MTMR8: variants seen among roughly 807,000 people sequenced by gnomAD.
MTMR8 encodes myotubularin related protein 8.
A neutral mutation model predicts 39.3 loss-of-function variants in MTMR8; 65 were observed. That is an observed-to-expected ratio of 1.65 (90% CI 1.35 to 2.03). MTMR8 has a LOEUF of 2.03. MTMR8 is among the 30% of genes most tolerant of loss of function. MTMR8 has a pLI of 0.00. For synonymous variants in MTMR8, 245 were observed against 185.2 expected, an observed-to-expected ratio of 1.32 and a Z score of -2.62; for missense variants, 777 against 538.9, an observed-to-expected ratio of 1.44 and a Z score of -4.37.
chrX:64,302,329 C>T (rs957467971), intron 12 of MTMR8, among the ~76,000 whole-genome samples: 2 of 112,452 alleles, frequency 1.8e-5, no homozygotes, highest in Non-Finnish European at 3.8e-5. Flanking sequence ...ACCCAATTTT[C>T]CAGGTGCGTC....
At chrX:64,302,337 G>A (rs192492855) in intron 12 of MTMR8, among the ~76,000 whole-genome samples, 44 of 112,381 alleles carry the variant, frequency 3.9e-4, no homozygotes, top group Admixed American at 8.4e-4. Context: ...TTCCAGGTGC[G>A]TCTGTCACCC....
intron 12 of MTMR8, among the ~76,000 whole-genome samples, chrX:64,284,182 A>T (rs1270360545): frequency 8.9e-6 from 1 of 112,453 alleles, no homozygotes; most frequent in African/African-American, 3.2e-5. Flanking sequence ...CGTACGCACA[A>T]GCTTCAGTAG....
At chrX:64,272,980 A>G (rs1931793519) in intron 12 of MTMR8, among the ~76,000 whole-genome samples, 2 of 111,904 alleles carry the variant, frequency 1.8e-5, no homozygotes, top group African/African-American at 6.5e-5. Context: ...ACATTCCCAG[A>G]CAAACAAAAG....
intron 1 of MTMR8, among the ~76,000 whole-genome samples, chrX:64,362,532 G>C (rs150615078): frequency 3.0e-4 from 17 of 57,620 alleles, no homozygotes; most frequent in African/African-American, 1.3e-3. Flanking sequence ...AAAAGGACCA[G>C]AGCTCAAAAT....
chrX:64,270,847 G>A lies in MTMR8; in HGVS notation c.1608+100C>T. 3 of 984,260 alleles carry A rather than the reference G, an allele frequency of 3.0e-6. No homozygotes were observed. The South Asian group carries it at 8.4e-5, about 28-fold the overall frequency. The allele number at this position is 984,260 out of a possible 1,213,427, so 81.1% of individuals were successfully genotyped here. A position where few individuals can be genotyped will look rare whatever the true frequency, so the allele number is the denominator to read the frequency against. On this transcript the variant is annotated intron_variant, in intron 13 of 13. Transcript: ENST00000374852. ...ATGAAAAGCCAAAGAGTATAAAAAA[G>A]CCAGCCAGTCAGCTTTCCACAAGTA...
chrX:64,354,229 G>A (rs746898281), intron 4 of MTMR8, among the ~76,000 whole-genome samples: 2 of 109,030 alleles, frequency 1.8e-5, no homozygotes, highest in East Asian at 5.8e-4. Context: ...AATACAGTTA[G>A]ATAGAAGGAA....
intron 12 of MTMR8, among the ~76,000 whole-genome samples, chrX:64,283,534 G>A (rs1429526611): frequency 8.9e-6 from 1 of 112,086 alleles, no homozygotes; most frequent in Admixed American, 9.4e-5. Flanking sequence ...TACTCAAGTG[G>A]GTCCCTGATC....
chrX:64,292,137 A>C (rs1275957308), intron 12 of MTMR8, among the ~76,000 whole-genome samples: 1 of 111,943 alleles, frequency 8.9e-6, no homozygotes, highest in Non-Finnish European at 1.9e-5. Context: ...TATGGCAGGC[A>C]AACAAGCTGA....
At chrX:64,372,871 T>A (rs1160767348) in intron 1 of MTMR8, among the ~76,000 whole-genome samples, 3 of 111,685 alleles carry the variant, frequency 2.7e-5, no homozygotes, top group Non-Finnish European at 5.6e-5. Context: ...TAATATTTTT[T>A]AATGACAAAT....
At chrX:64,311,879 C>A (rs1380558433) in intron 12 of MTMR8, among the ~76,000 whole-genome samples, 1 of 108,798 alleles carries the variant, frequency 9.2e-6, no homozygotes, top group Non-Finnish European at 1.9e-5. Flanking sequence ...GCTTTGGTAC[C>A]AGCACGATGC....
chrX:64,269,350 T>C (rs1234267104), intron 13 of MTMR8, among the ~76,000 whole-genome samples: 1 of 112,027 alleles, frequency 8.9e-6, no homozygotes, highest in Non-Finnish European at 1.9e-5. Flanking sequence ...TACCTCTATG[T>C]GCTAGGCACT....
chrX:64,270,902 C>T (rs1931745022), intron 13 of MTMR8, 45 bp downstream of exon 13: 2 of 1,190,407 alleles, frequency 1.7e-6, no homozygotes, highest in South Asian at 3.8e-5. Flanking sequence ...GCTGGACCTA[C>T]CCAGAAGGGG....
chrX:64,330,847 C>A (rs1922921337), intron 11 of MTMR8, among the ~76,000 whole-genome samples: 1 of 111,618 alleles, frequency 9.0e-6, no homozygotes, highest in Non-Finnish European at 1.9e-5. Context: ...CCTGATTTTT[C>A]AGAATATTTA....
rs750817228 is a variant in MTMR8 at position 64,302,892 on chromosome X, C to T, written c.1481+25880G>A. ...CCTAGCAACATCATATATTAATAGACATGTCAGCTCCGTCTCCTTCATGAG... is the reference window on the plus strand; with the variant it reads ...CCTAGCAACATCATATATTAATAGATATGTCAGCTCCGTCTCCTTCATGAG... On this transcript the variant is annotated intron_variant, in intron 12 of 13. Coordinates refer to ENST00000374852, the MANE Select transcript of MTMR8 (RefSeq NM_017677.4). Among the ~76,000 whole-genome samples the T allele has an allele frequency of 1.3e-3, 145 of 112,288 alleles. 1 individual carries two copies. The highest frequency in any genetic ancestry group is 4.6e-3 in the African/African-American group (143 of 30,915).
At chrX:64,270,735 C>G (rs1471998924) in intron 13 of MTMR8, among the ~76,000 whole-genome samples, 1 of 111,731 alleles carries the variant, frequency 9.0e-6, no homozygotes. Flanking sequence ...AACAAATTCA[C>G]TTGTTTATCT....
chrX:64,340,055 T>G (rs1248565778), intron 8 of MTMR8, among the ~76,000 whole-genome samples: 2 of 111,623 alleles, frequency 1.8e-5, no homozygotes, highest in African/African-American at 6.5e-5. Context: ...TACATCTATT[T>G]GCAGCAATGC....
At chrX:64,382,416 G>A (rs1924451093) in intron 1 of MTMR8, among the ~76,000 whole-genome samples, 1 of 111,257 alleles carries the variant, frequency 9.0e-6, no homozygotes, top group South Asian at 3.8e-4. Flanking sequence ...TCTGTTATTG[G>A]TGTATAAGAA....
At chrX:64,287,411 T>C (rs1250821450) in intron 12 of MTMR8, among the ~76,000 whole-genome samples, 1 of 111,482 alleles carries the variant, frequency 9.0e-6, no homozygotes, top group East Asian at 2.8e-4. Flanking sequence ...ATAGATTCAA[T>C]GCCATCCCCA....
intron 10 of MTMR8, among the ~76,000 whole-genome samples, chrX:64,335,185 G>T (rs1923042796): frequency 9.1e-6 from 1 of 109,641 alleles, no homozygotes; most frequent in Non-Finnish European, 1.9e-5. Flanking sequence ...AGGCTGGAGT[G>T]CAATGGCATG....
Sources: gnomAD v4.1 joint callset for allele counts (sites outside exome capture counted in the v4.1 genomes callset) on GRCh38, gnomAD v4.1.1 for gene constraint, MANE v1.5 for transcripts, NCBI Gene and HGNC (gene_info 2026-07-23, HGNC 2026-07-21) for gene names.